CCDC102B: variants seen among roughly 807,000 people sequenced by gnomAD.
CCDC102B encodes the protein coiled-coil domain-containing protein 102B.
In CCDC102B, 75 loss-of-function variants were observed where a neutral mutation model predicts 57.4. The observed-to-expected ratio is 1.31, with a 90% CI of 1.08 to 1.58. The LOEUF (loss-of-function observed/expected upper bound fraction) is 1.58, where lower values mean the gene tolerates loss of function less well. Ranked by LOEUF, CCDC102B falls within the 40% of genes most tolerant of loss-of-function variation. The probability of loss-of-function intolerance (pLI) is 0.00; values close to 1 mark genes in which losing one functional copy is unlikely to be tolerated. For synonymous variants in CCDC102B, 206 were observed against 201.9 expected, an observed-to-expected ratio of 1.02 and a Z score of -0.17; for missense variants, 636 against 582.6, an observed-to-expected ratio of 1.09 and a Z score of -0.94.
At chr18:68,877,190 AG>A (rs1357191076) in intron 5 of CCDC102B, among the ~76,000 whole-genome samples, 4 of 152,120 alleles carry the variant, frequency 2.6e-5, no homozygotes, top group African/African-American at 9.7e-5. Context: ...GCCTCCTTTA[AG>A]TTTCTTACTG....
At chr18:68,905,357 T>G (rs2040589516) in intron 6 of CCDC102B, among the ~76,000 whole-genome samples, 1 of 149,448 alleles carries the variant, frequency 6.7e-6, no homozygotes, top group Non-Finnish European at 1.5e-5. Flanking sequence ...ACCTTCCTAT[T>G]TAAAAGGACA....
intron 7 of CCDC102B, among the ~76,000 whole-genome samples, chr18:69,040,104 G>A (rs2052393303): frequency 6.6e-6 from 1 of 151,842 alleles, no homozygotes; most frequent in South Asian, 2.1e-4. Flanking sequence ...ACCATAAAAT[G>A]AATTTATCTA....
chr18:68,890,262 G>T (rs1020396329), intron 5 of CCDC102B, among the ~76,000 whole-genome samples: 1 of 151,530 alleles, frequency 6.6e-6, no homozygotes, highest in Non-Finnish European at 1.5e-5. Context: ...TTGAGACAGG[G>T]TCTCATGTTT....
At chr18:69,007,825 C>T (rs978577398) in intron 6 of CCDC102B, among the ~76,000 whole-genome samples, 23 of 152,168 alleles carry the variant, frequency 1.5e-4, no homozygotes, top group South Asian at 8.3e-4. Context: ...GGCCTATGGC[C>T]GGGGTGGAAT....
chr18:68,795,241 G>A (rs1402522495), upstream of CCDC102B, among the ~76,000 whole-genome samples: 5 of 151,972 alleles, frequency 3.3e-5, no homozygotes, highest in South Asian at 2.1e-4. Flanking sequence ...TAGAGTCTTC[G>A]GAAGAAATAT....
chr18:68,835,046 C>A (rs2037307662), intron 1 of CCDC102B, among the ~76,000 whole-genome samples: 1 of 152,024 alleles, frequency 6.6e-6, no homozygotes, highest in Non-Finnish European at 1.5e-5. Flanking sequence ...AGCCATGGAA[C>A]TTTATTAATT....
chr18:68,804,509 G>T (rs904720494), intron 1 of CCDC102B, among the ~76,000 whole-genome samples: 2 of 152,178 alleles, frequency 1.3e-5, no homozygotes, highest in Non-Finnish European at 1.5e-5. Context: ...AAGTCTCAGT[G>T]TTGGAGCGCT....
chr18:68,930,500 A>G (rs538573672), intron 6 of CCDC102B, among the ~76,000 whole-genome samples: 2 of 151,898 alleles, frequency 1.3e-5, no homozygotes, highest in African/African-American at 4.8e-5. Flanking sequence ...CAGGTGTGCT[A>G]TAGGTGGTTG....
chr18:68,807,127 C>T (rs913503445), intron 1 of CCDC102B, among the ~76,000 whole-genome samples: 1 of 152,084 alleles, frequency 6.6e-6, no homozygotes, highest in Non-Finnish European at 1.5e-5. Flanking sequence ...TCTCTGGGTT[C>T]TACTATAGCT....
rs376565776 is a variant in CCDC102B, at chr18:68,897,211, G to C, written c.1054-8G>C. On this transcript the variant is annotated splice_polypyrimidine_tract_variant and splice_region_variant and intron_variant, in intron 5 of 7. Coordinates refer to ENST00000360242, the MANE Select transcript of CCDC102B (RefSeq NM_024781.3). ...TGCATGCTGCTTCTTTGTGTTTTCT[G>C]TGTGTAGCTAGAGAGATTGCAAGCT... 6.0e-5 allele frequency: 97 copies of C among 1,604,758 alleles called. No individual in the cohort carries two copies. The East Asian group carries it at 1.5e-3, about 25-fold the overall frequency.
At chr18:69,044,409 T>C (rs1946322561) in intron 7 of CCDC102B, among the ~76,000 whole-genome samples, 1 of 152,216 alleles carries the variant, frequency 6.6e-6, no homozygotes, top group South Asian at 2.1e-4. Flanking sequence ...CAATATTTAT[T>C]GTCTTCTAAA....
At chr18:68,716,180 T>A (rs2031972140) in intron 1 of CCDC102B, among the ~76,000 whole-genome samples, 1 of 152,058 alleles carries the variant, frequency 6.6e-6, no homozygotes. Context: ...ATGATGGGAA[T>A]GTTCTCCCGG....
chr18:68,989,428 G>T (rs1382907998), intron 6 of CCDC102B, among the ~76,000 whole-genome samples: 1 of 152,220 alleles, frequency 6.6e-6, no homozygotes, highest in Non-Finnish European at 1.5e-5. Context: ...AATGGGAAGA[G>T]AAGCTGTGAT....
At chr18:68,868,007 CAA>C (rs1243408496) in intron 4 of CCDC102B, among the ~76,000 whole-genome samples, 4 of 152,050 alleles carry the variant, frequency 2.6e-5, no homozygotes, top group South Asian at 4.2e-4. Context: ...GCTTCTGACA[CAA>C]GAGGAAAATC....
At chr18:68,837,511 A>G in intron 2 of CCDC102B, 142 bp downstream of exon 2, 1 of 772,776 alleles carries the variant, frequency 1.3e-6, no homozygotes, top group Non-Finnish European at 2.1e-6. Flanking sequence ...ACAGTGGTTT[A>G]AGCAACAGAA....
At position 68,810,385 on chromosome 18, in the gene CCDC102B, A is replaced by C. The variant is rs112593551; in HGVS notation, c.-16+12204A>C. ...TAAGCCCTGTTCAGACATTGCAGAT[A>C]TTGCACATATGATTTATATCTGATT... On this transcript the variant is annotated intron_variant, in intron 1 of 7. Coordinates refer to ENST00000360242, the MANE Select transcript of CCDC102B (RefSeq NM_024781.3). Among the ~76,000 whole-genome samples the C allele has an allele frequency of 9.7e-3, 1,471 of 152,322 alleles. 17 individuals are homozygous for C. The highest frequency in any genetic ancestry group is 0.053 in the East Asian group (275 of 5,182).
At chr18:68,844,562 A>G (rs947061297) in intron 3 of CCDC102B, among the ~76,000 whole-genome samples, 18 of 151,960 alleles carry the variant, frequency 1.2e-4, no homozygotes, top group African/African-American at 4.3e-4. Flanking sequence ...TATAATTTTC[A>G]ATGTAAATTC....
intron 3 of CCDC102B, among the ~76,000 whole-genome samples, chr18:68,844,136 G>C (rs1364001789): frequency 6.6e-6 from 1 of 151,676 alleles, no homozygotes; most frequent in Non-Finnish European, 1.5e-5. Flanking sequence ...TATTTAAGGA[G>C]GTAACTATTA....
At chr18:68,973,135 TCTGA>T (rs761126073) in intron 6 of CCDC102B, among the ~76,000 whole-genome samples, 43 of 152,140 alleles carry the variant, frequency 2.8e-4, no homozygotes, top group Non-Finnish European at 4.4e-4. Context: ...CCTTAAATAG[TCTGA>T]CTGAATACAT....
Sources: gnomAD v4.1 joint callset for allele counts (sites outside exome capture counted in the v4.1 genomes callset) on GRCh38, gnomAD v4.1.1 for gene constraint, MANE v1.5 for transcripts, NCBI Gene and HGNC (gene_info 2026-07-23, HGNC 2026-07-21) for gene names.